AFAP1: variants seen among roughly 807,000 people sequenced by gnomAD.
AFAP1 encodes the protein actin filament associated protein 1, also known as actin filament-associated protein 1.
In AFAP1, 75 loss-of-function variants were observed where a neutral mutation model predicts 93.9. The observed-to-expected ratio is 0.80, with a 90% CI of 0.66 to 0.97. The LOEUF (loss-of-function observed/expected upper bound fraction) is 0.97. Ranked by LOEUF, AFAP1 falls within the 50% of genes least tolerant of loss-of-function variation. AFAP1 has a pLI of 0.00. For missense variants in AFAP1, 1,201 were observed against 1,050.8 expected (o/e 1.14, Z -1.98); for synonymous variants, 517 against 430.7 (o/e 1.20, Z -2.48).
intron 15 of AFAP1, 161 bp from the exon 16 acceptor site, chr4:7,773,171 G>C: frequency 1.8e-6 from 2 of 1,122,484 alleles, no homozygotes; most frequent in Non-Finnish European, 2.5e-6. Context: ...AGTTCTCTAA[G>C]GGATCAGAGT....
At chr4:7,870,284 C>T (rs1350664877) in intron 2 of AFAP1, among the ~76,000 whole-genome samples, 2 of 152,104 alleles carry the variant, frequency 1.3e-5, no homozygotes, top group Admixed American at 6.5e-5. Context: ...GTGGGATGGC[C>T]GAAGGAGTCT....
intron 7 of AFAP1, among the ~76,000 whole-genome samples, chr4:7,816,891 G>A (rs1720528260): frequency 6.6e-6 from 1 of 152,218 alleles, no homozygotes; most frequent in South Asian, 2.1e-4. Context: ...CTTAAGAGCT[G>A]CAGTGAAGAA....
chr4:7,773,107 G>A (rs745448482), intron 15 of AFAP1, 97 bp from the exon 16 acceptor site: 82 of 1,472,802 alleles, frequency 5.6e-5, no homozygotes, highest in East Asian at 9.8e-5. Context: ...TCCACAAAAC[G>A]TCTGAGGTCG....
intron 8 of AFAP1, among the ~76,000 whole-genome samples, chr4:7,813,349 G>A (rs12502250): frequency 0.11 from 16,461 of 152,272 alleles, 967 homozygotes; most frequent in South Asian, 0.14. Context: ...TACATGCAAA[G>A]CACCATGCCA....
At chr4:7,873,166 C>A (rs1260965607) in intron 1 of AFAP1, among the ~76,000 whole-genome samples, 1 of 142,404 alleles carries the variant, frequency 7.0e-6, no homozygotes, top group Admixed American at 7.1e-5. Context: ...TCGCTTGAAC[C>A]TGGGAGGCGG....
At chr4:7,822,383 A>C (rs2149076820) in intron 6 of AFAP1, among the ~76,000 whole-genome samples, 1 of 152,276 alleles carries the variant, frequency 6.6e-6, no homozygotes, top group South Asian at 2.1e-4. Flanking sequence ...AACAGGCATT[A>C]AGGAAACCTG....
intron 9 of AFAP1, among the ~76,000 whole-genome samples, chr4:7,803,368 T>C (rs1405083439): frequency 2.0e-5 from 3 of 152,158 alleles, no homozygotes; most frequent in Non-Finnish European, 2.9e-5. Flanking sequence ...AAACCAAGAA[T>C]TGAAATGCCA....
intron 1 of AFAP1, among the ~76,000 whole-genome samples, chr4:7,884,887 C>T (rs1045916529): frequency 7.9e-5 from 12 of 152,188 alleles, no homozygotes; most frequent in Non-Finnish European, 1.6e-4. Flanking sequence ...GGACTCCTAT[C>T]CCCTGCCCTG....
chr4:7,867,619 T>C (rs1442015709), intron 3 of AFAP1, among the ~76,000 whole-genome samples: 2 of 152,216 alleles, frequency 1.3e-5, no homozygotes, highest in African/African-American at 4.8e-5. Flanking sequence ...TTTTATGATG[T>C]TGAGCAAACC....
intron 10 of AFAP1, among the ~76,000 whole-genome samples, chr4:7,794,242 T>A (rs1718173719): frequency 1.3e-5 from 2 of 152,190 alleles, no homozygotes; most frequent in Admixed American, 6.5e-5. Flanking sequence ...CTCCAGGCCC[T>A]TTACTGGTCG....
chr4:7,908,643 G>A (rs956231161), intron 1 of AFAP1, among the ~76,000 whole-genome samples: 6 of 152,084 alleles, frequency 3.9e-5, no homozygotes, highest in Non-Finnish European at 1.5e-5. Flanking sequence ...CTAATTGCTG[G>A]GGACCTAGCA....
chr4:7,938,018 ATT>A (rs1721488916), intron 1 of AFAP1, among the ~76,000 whole-genome samples: 1 of 152,184 alleles, frequency 6.6e-6, no homozygotes, highest in Non-Finnish European at 1.5e-5. Context: ...TTAACCATGT[ATT>A]ACCCAAAGCC....
chr4:7,769,126 G>A (rs1715043882), intron 16 of AFAP1, 118 bp from the exon 17 acceptor site: 1 of 1,323,790 alleles, frequency 7.6e-7, no homozygotes, highest in Non-Finnish European at 1.0e-6. Flanking sequence ...AAAAATAACA[G>A]CAGTAGCAGC....
At chr4:7,887,077 T>A (rs1718178922) in intron 1 of AFAP1, among the ~76,000 whole-genome samples, 1 of 152,064 alleles carries the variant, frequency 6.6e-6, no homozygotes, top group South Asian at 2.1e-4. Context: ...AAAAATGGCA[T>A]TGATGGATCT....
intron 1 of AFAP1, among the ~76,000 whole-genome samples, chr4:7,897,295 G>C (rs2149213390): frequency 6.6e-6 from 1 of 152,300 alleles, no homozygotes; most frequent in Middle Eastern, 3.4e-3. Context: ...CTGAGGACCT[G>C]CTGTTTACGA....
chr4:7,799,021 T>G (rs1422631502), intron 10 of AFAP1: 1 of 986,194 alleles, frequency 1.0e-6, no homozygotes, highest in East Asian at 1.1e-4. Flanking sequence ...TTCAGCTTTT[T>G]TCCACCGCCA....
At chr4:7,932,977 G>A (rs148350143) in intron 1 of AFAP1, among the ~76,000 whole-genome samples, 1,599 of 118,826 alleles carry the variant, frequency 0.013, 32 homozygotes, top group African/African-American at 0.049. Flanking sequence ...CCGAGATCGC[G>A]CCACTGCACT....
intron 17 of AFAP1, among the ~76,000 whole-genome samples, chr4:7,764,644 C>T (rs1366617379): frequency 4.6e-5 from 7 of 152,222 alleles, no homozygotes; most frequent in African/African-American, 1.4e-4. Context: ...GGACTGGTTC[C>T]ATCCACAGGC....
In AFAP1 at chr4:7,900,394, T is replaced by C. The variant is rs188203890; in HGVS notation, c.-2-28314A>G. Among the ~76,000 whole-genome samples the C allele has an allele frequency of 7.5e-3, 676 of 90,632 alleles. 6 individuals carry two copies. The highest frequency in any genetic ancestry group is 0.025 in the African/African-American group (644 of 26,078). 59.5% of individuals were successfully genotyped at this position (90,632 alleles called of 152,430 possible). ...CATTTAGCACAGCTAAAATGGCCAT[T>C]CTTCCCCACAGCCTGAAGTTGTATG... On this transcript the variant is annotated intron_variant, in intron 1 of 17. Transcript: ENST00000420658.
Sources: gnomAD v4.1 joint callset for allele counts (sites outside exome capture counted in the v4.1 genomes callset) on GRCh38, gnomAD v4.1.1 for gene constraint, MANE v1.5 for transcripts, NCBI Gene and HGNC (gene_info 2026-07-23, HGNC 2026-07-21) for gene names.